Variants in SEC24B observed in about 807,000 individuals in gnomAD.
The protein encoded by SEC24B is protein transport protein Sec24B.
In SEC24B, 45 loss-of-function variants were observed where a neutral mutation model predicts 142.8. That is an observed-to-expected ratio of 0.32 (90% confidence interval 0.25 to 0.40). The LOEUF (loss-of-function observed/expected upper bound fraction) is 0.40. SEC24B is among the 10% of genes least tolerant of loss of function. The pLI is 1.00. For missense variants in SEC24B, 1,409 were observed against 1,526.8 expected, an observed-to-expected ratio of 0.92 and a Z score of 1.29; for synonymous variants, 574 against 568.2, an observed-to-expected ratio of 1.01 and a Z score of -0.15.
chr4:109,479,388 A>G (rs534017343), intron 3 of SEC24B, among the ~76,000 whole-genome samples: 3 of 152,318 alleles, frequency 2.0e-5, no homozygotes, highest in East Asian at 1.9e-4. Context: ...AAAGGATGTC[A>G]TATTTTACCA....
intron 3 of SEC24B, among the ~76,000 whole-genome samples, chr4:109,474,807 C>T (rs1273996128): frequency 5.3e-5 from 8 of 152,042 alleles, no homozygotes; most frequent in Non-Finnish European, 1.2e-4. Context: ...AAATGGTTTG[C>T]CCACTAAACA....
chr4:109,529,565 G>A (rs999741952), intron 18 of SEC24B, among the ~76,000 whole-genome samples: 3 of 152,168 alleles, frequency 2.0e-5, no homozygotes, highest in Non-Finnish European at 4.4e-5. Flanking sequence ...GGCTTGGAAT[G>A]CTTTACAAAA....
chr4:109,490,558 G>A (rs1008109005), intron 4 of SEC24B, among the ~76,000 whole-genome samples: 13 of 152,110 alleles, frequency 8.5e-5, no homozygotes, highest in African/African-American at 2.6e-4. Flanking sequence ...GCTAGCATAC[G>A]TACCCAGGAT....
intron 4 of SEC24B, among the ~76,000 whole-genome samples, chr4:109,482,483 T>C (rs1733830799): frequency 6.6e-6 from 1 of 152,166 alleles, no homozygotes; most frequent in South Asian, 2.1e-4. Flanking sequence ...GTTTCAAATT[T>C]CATATTTTTT....
intron 1 of SEC24B, among the ~76,000 whole-genome samples, chr4:109,453,197 G>A (rs571255332): frequency 6.6e-6 from 1 of 152,230 alleles, no homozygotes; most frequent in East Asian, 1.9e-4. Context: ...AGAAGATCAG[G>A]GTGAGATCTC....
At chr4:109,509,014 A>G (rs190950441) in intron 7 of SEC24B, among the ~76,000 whole-genome samples, 70 of 152,326 alleles carry the variant, frequency 4.6e-4, no homozygotes, top group African/African-American at 1.7e-3. Flanking sequence ...GGGTATTACA[A>G]TGAAGAAAAA....
At chr4:109,439,256 C>G (rs187811332) in intron 1 of SEC24B, among the ~76,000 whole-genome samples, 1 of 152,170 alleles carries the variant, frequency 6.6e-6, no homozygotes, top group Admixed American at 6.5e-5. Context: ...TCGGGTCAGT[C>G]ACTGGAAACC....
chr4:109,499,032 C>G (rs1447044211), intron 6 of SEC24B, among the ~76,000 whole-genome samples: 1 of 151,876 alleles, frequency 6.6e-6, no homozygotes. Context: ...TTAGTGAGAT[C>G]AATTAGAGAA....
chr4:109,471,740 GT>G (rs1732545965), intron 2 of SEC24B, among the ~76,000 whole-genome samples: 1 of 152,116 alleles, frequency 6.6e-6, no homozygotes, highest in Non-Finnish European at 1.5e-5. Context: ...GGGTTCCTAT[GT>G]TTTTCTGTAC....
chr4:109,487,566 G>C (rs1734506555), intron 4 of SEC24B, among the ~76,000 whole-genome samples: 1 of 152,206 alleles, frequency 6.6e-6, no homozygotes, highest in South Asian at 2.1e-4. Context: ...TTCTAAGCAT[G>C]TTCAGAATGT....
chr4:109,515,603 A>G (rs1264793725), intron 10 of SEC24B, among the ~76,000 whole-genome samples: 2 of 152,136 alleles, frequency 1.3e-5, no homozygotes, highest in Admixed American at 1.3e-4. Context: ...TGCTGGGATT[A>G]CAGGCATGAG....
intron 3 of SEC24B, among the ~76,000 whole-genome samples, chr4:109,474,067 T>C (rs1289921197): frequency 6.6e-6 from 1 of 152,198 alleles, no homozygotes; most frequent in Non-Finnish European, 1.5e-5. Flanking sequence ...GTTGAGTGTC[T>C]ATGTGATCAA....
intron 4 of SEC24B, 54 bp from the exon 5 acceptor site, chr4:109,491,273 C>T (rs1734992212): frequency 2.1e-6 from 3 of 1,410,690 alleles, no homozygotes; most frequent in Non-Finnish European, 3.0e-6. Context: ...CCAAAGGCTG[C>T]TTTAAGATAC....
intron 1 of SEC24B, among the ~76,000 whole-genome samples, chr4:109,453,151 A>C (rs1036716696): frequency 6.6e-5 from 10 of 152,176 alleles, no homozygotes; most frequent in African/African-American, 2.4e-4. Flanking sequence ...GGTCACAGAG[A>C]TCCCATGCTT....
rs1733778116 is a variant in SEC24B, at chr4:109,481,866, A to T, written c.1165+85A>T. On this transcript the variant is annotated intron_variant, in intron 4 of 23. Transcript: ENST00000265175. ...CCACAGTCTTACTTAGCCTTTTAAAAAAGAGTCTTTGAAGATTTAGCATGA... is the reference window on the plus strand; with the variant it reads ...CCACAGTCTTACTTAGCCTTTTAAATAAGAGTCTTTGAAGATTTAGCATGA... 18 of 939,560 alleles carry T rather than the reference A, an allele frequency of 1.9e-5. No individual in the cohort carries two copies. The South Asian group carries it at 3.1e-4, about 16-fold the overall frequency. 58.2% of individuals were successfully genotyped at this position (939,560 alleles called of 1,614,324 possible). A position where few individuals can be genotyped will look rare whatever the true frequency, so the allele number is the denominator to read the frequency against.
intron 1 of SEC24B, among the ~76,000 whole-genome samples, chr4:109,441,282 G>A (rs1247373908): frequency 6.6e-6 from 1 of 152,150 alleles, no homozygotes; most frequent in East Asian, 1.9e-4. Flanking sequence ...ATTTGAATTC[G>A]TATGAATTAG....
chr4:109,507,461 A>G (rs978816998), intron 7 of SEC24B, among the ~76,000 whole-genome samples: 7 of 151,764 alleles, frequency 4.6e-5, no homozygotes, highest in Admixed American at 1.3e-4. Context: ...TTTATTAGAG[A>G]TGGGGTTTCA....
At chr4:109,502,820 A>G (rs1186511319) in intron 6 of SEC24B, among the ~76,000 whole-genome samples, 4 of 152,198 alleles carry the variant, frequency 2.6e-5, no homozygotes, top group African/African-American at 4.8e-5. Flanking sequence ...GTACCCCAGT[A>G]ATTATTTTGT....
chr4:109,477,849 CTA>C (rs1025859509), intron 3 of SEC24B, among the ~76,000 whole-genome samples: 1 of 152,014 alleles, frequency 6.6e-6, no homozygotes, highest in Non-Finnish European at 1.5e-5. Context: ...TAAGAATTGA[CTA>C]TATTTTATCA....
Sources: allele counts gnomAD v4.1 joint callset (sites outside exome capture counted in the v4.1 genomes callset), GRCh38; gene constraint gnomAD v4.1.1; transcripts MANE v1.5; gene names NCBI Gene and HGNC (gene_info 2026-07-23, HGNC 2026-07-21).